PTPRD: variants seen among roughly 807,000 people sequenced by gnomAD.
PTPRD encodes the protein protein tyrosine phosphatase receptor type D.
Under a neutral mutation model 214.5 loss-of-function variants are expected in PTPRD, and 34 were observed. The observed-to-expected ratio is 0.16, with a 90% CI of 0.12 to 0.21. The LOEUF (loss-of-function observed/expected upper bound fraction) is 0.21, where lower values mean the gene tolerates loss of function less well. PTPRD is among the 10% of genes least tolerant of loss of function. The pLI is 1.00. For synonymous variants in PTPRD, 1,128 were observed against 845.7 expected (o/e 1.33, Z -5.79); for missense variants, 2,545 against 2,398.7 (o/e 1.06, Z -1.27).
intron 3 of PTPRD, among the ~76,000 whole-genome samples, chr9:10,112,053 A>G (rs2098695849): frequency 6.6e-6 from 1 of 152,234 alleles, no homozygotes; most frequent in South Asian, 2.1e-4. Flanking sequence ...TGAATAAACA[A>G]CAATGTGGGT....
Position 8,837,467 on chromosome 9 carries a change from C to G in PTPRD, c.-103-103521G>C, listed in dbSNP as rs532479356. Among the ~76,000 whole-genome samples the G allele has an allele frequency of 2.6e-5, 4 of 151,920 alleles. No homozygotes were observed. The East Asian group carries it at 7.7e-4, about 29-fold the overall frequency. On this transcript the variant is annotated intron_variant, in intron 11 of 45. Coordinates refer to ENST00000381196, the MANE Select transcript of PTPRD (RefSeq NM_002839.4). Reference sequence around the variant, plus strand: ...AAAGTCAAAATAGGCATTCTCACATCAGAAGACTAATCTCCTTTTCTCTTC... The same window carrying G: ...AAAGTCAAAATAGGCATTCTCACATGAGAAGACTAATCTCCTTTTCTCTTC...
intron 7 of PTPRD, among the ~76,000 whole-genome samples, chr9:9,658,944 G>A (rs2096572726): frequency 6.6e-6 from 1 of 152,022 alleles, no homozygotes; most frequent in African/African-American, 2.4e-5. Context: ...GAGTTAGAAA[G>A]CAATCACATT....
At chr9:8,636,595 A>G in intron 13 of PTPRD, 104 bp downstream of exon 13, 1 of 1,384,102 alleles carries the variant, frequency 7.2e-7, no homozygotes, top group Non-Finnish European at 1.0e-6. Flanking sequence ...AATACCATAT[A>G]TCAGTGACAC....
Position 8,781,232 on chromosome 9 carries a change from G to A in PTPRD, c.-103-47286C>T, listed in dbSNP as rs537039004. On this transcript the variant is annotated intron_variant, in intron 11 of 45. Transcript: ENST00000381196. ...GGCAGGGGGCAATCAGCTGTCCAGA[G>A]GTGCACTCTTTATCTAAAGAATCTT... Among the ~76,000 whole-genome samples the A allele has an allele frequency of 4.6e-5, 7 of 152,272 alleles. No individual in the cohort carries two copies. The South Asian group carries it at 1.4e-3, about 32-fold the overall frequency.
rs1207684966 is a variant in PTPRD at position 8,929,785 on chromosome 9, G to GTA, written c.-104+88910_-104+88911dup. Among the ~76,000 whole-genome samples the GTA allele has an allele frequency of 1.2e-3, 91 of 77,324 alleles. 12 individuals are homozygous for GTA. Among genetic ancestry groups the GTA allele is most frequent in the African/African-American group, 3.8e-3 (62 of 16,324 alleles). 50.7% of individuals were successfully genotyped at this position (77,324 alleles called of 152,430 possible). On this transcript the variant is annotated intron_variant, in intron 11 of 45. Transcript: ENST00000381196. ...TATATATGTGTATATATATGGGTGT[G>GTA]TATATATGTGTGTGTATATATGTGT...
intron 11 of PTPRD, among the ~76,000 whole-genome samples, chr9:8,976,895 CTATTTT>C (rs1333903260): frequency 6.6e-6 from 1 of 152,032 alleles, no homozygotes; most frequent in East Asian, 1.9e-4. Flanking sequence ...GATGATGTTC[CTATTTT>C]TATCTCTAAC....
At chr9:9,763,048 C>A (rs544955471) in intron 6 of PTPRD, among the ~76,000 whole-genome samples, 1 of 152,054 alleles carries the variant, frequency 6.6e-6, no homozygotes, top group Non-Finnish European at 1.5e-5. Flanking sequence ...AAAGAGAGAG[C>A]GATCTCTTCC....
At chr9:9,149,192 T>A (rs191772423) in intron 10 of PTPRD, among the ~76,000 whole-genome samples, 1 of 152,272 alleles carries the variant, frequency 6.6e-6, no homozygotes, top group East Asian at 1.9e-4. Context: ...ATCTATCAGA[T>A]AAAGAATAAT....
intron 11 of PTPRD, among the ~76,000 whole-genome samples, chr9:8,753,649 A>T (rs1455503089): frequency 1.3e-5 from 2 of 152,260 alleles, no homozygotes; most frequent in African/African-American, 4.8e-5. Flanking sequence ...GCTAAATACA[A>T]GATCAATATA....
At chr9:9,631,893 T>C (rs919385343) in intron 7 of PTPRD, among the ~76,000 whole-genome samples, 1 of 152,238 alleles carries the variant, frequency 6.6e-6, no homozygotes, top group Non-Finnish European at 1.5e-5. Context: ...AGATAAATCA[T>C]TACATGTCAA....
chr9:10,609,992 G>A (rs1371990967), intron 2 of PTPRD, among the ~76,000 whole-genome samples: 1 of 152,096 alleles, frequency 6.6e-6, no homozygotes, highest in African/African-American at 2.4e-5. Flanking sequence ...ACATGTAAGA[G>A]GAATTAATCA....
At chr9:8,420,884 G>T (rs1416841293) in intron 35 of PTPRD, among the ~76,000 whole-genome samples, 2 of 150,684 alleles carry the variant, frequency 1.3e-5, no homozygotes, top group African/African-American at 4.9e-5. Flanking sequence ...GTATTCCCCT[G>T]TTGTTTTATT....
At chr9:8,814,656 C>T (rs1043163159) in intron 11 of PTPRD, among the ~76,000 whole-genome samples, 7 of 152,142 alleles carry the variant, frequency 4.6e-5, no homozygotes, top group South Asian at 2.1e-4. Flanking sequence ...GTTTGGAGAG[C>T]ACAAACCATC....
intron 44 of PTPRD, among the ~76,000 whole-genome samples, chr9:8,321,526 T>TATATATAAAA (rs1327118226): frequency 8.6e-6 from 1 of 115,762 alleles, no homozygotes; most frequent in African/African-American, 3.0e-5. Flanking sequence ...TATATATATA[T>TATATATAAAA]AAAAGGTATA....
intron 12 of PTPRD, among the ~76,000 whole-genome samples, chr9:8,666,440 G>A (rs776114044): frequency 8.5e-5 from 13 of 152,136 alleles, no homozygotes; most frequent in African/African-American, 3.1e-4. Flanking sequence ...AGAGAAGATA[G>A]TTTAAAAATG....
In PTPRD at chr9:8,500,746, C is replaced by A. The variant is rs373760731; in HGVS notation, c.2128+8G>T. 143 of 1,613,358 alleles carry A rather than the reference C, an allele frequency of 8.9e-5. No homozygotes were observed. Among genetic ancestry groups the A allele is most frequent in the Admixed American group, 1.3e-4 (8 of 59,976 alleles). On this transcript the variant is annotated splice_region_variant and intron_variant, in intron 24 of 45. Transcript: ENST00000381196. The stretch of plus-strand genomic sequence containing the variant: ...AGGGTGCAAACTGACGTAGCGGAGG[C>A]AACATACCATCTTCATTGGTTCGAA...
intron 5 of PTPRD, among the ~76,000 whole-genome samples, chr9:9,934,203 G>C (rs918201022): frequency 6.8e-6 from 1 of 147,866 alleles, no homozygotes; most frequent in Non-Finnish European, 1.5e-5. Context: ...TCAAAAGCTA[G>C]CAGAAGGCAA....
intron 11 of PTPRD, among the ~76,000 whole-genome samples, chr9:8,801,418 G>C (rs1478867517): frequency 6.6e-6 from 1 of 152,098 alleles, no homozygotes; most frequent in Non-Finnish European, 1.5e-5. Context: ...GTGAAATAAG[G>C]GTTGCCCATC....
At chr9:8,979,300 A>G (rs370226205) in intron 11 of PTPRD, among the ~76,000 whole-genome samples, 1 of 152,172 alleles carries the variant, frequency 6.6e-6, no homozygotes. Context: ...TAATATCATG[A>G]TATAAAAGTC....
Sources: gnomAD v4.1 joint callset for allele counts (sites outside exome capture counted in the v4.1 genomes callset) on GRCh38, gnomAD v4.1.1 for gene constraint, MANE v1.5 for transcripts, NCBI Gene and HGNC (gene_info 2026-07-23, HGNC 2026-07-21) for gene names.